NIPSNAP1: variants seen among roughly 807,000 people sequenced by gnomAD.
NIPSNAP1 encodes protein NipSnap homolog 1.
Under a neutral mutation model 49.2 loss-of-function variants are expected in NIPSNAP1, and 25 were observed. The ratio of observed to expected loss-of-function variants is 0.51; its 90% CI spans 0.37 to 0.71. The LOEUF (loss-of-function observed/expected upper bound fraction) is 0.71. NIPSNAP1 is among the 30% of genes least tolerant of loss of function. The pLI is 0.00. For synonymous variants in NIPSNAP1, 143 were observed against 140.7 expected, an observed-to-expected ratio of 1.02 and a Z score of -0.12; for missense variants, 294 against 361.0, an observed-to-expected ratio of 0.81 and a Z score of 1.50.
At chr22:29,580,254 G>A (rs1219928390) in intron 1 of NIPSNAP1, 2 of 1,287,082 alleles carry the variant, frequency 1.6e-6, no homozygotes, top group African/African-American at 1.5e-5. Context: ...GATGGGGGAA[G>A]TACAGGGCTG....
chr22:29,574,289 A>AAAAAAAAAAAAAAAAGAAAGAAAAAG (rs2064434492), intron 1 of NIPSNAP1, among the ~76,000 whole-genome samples: 7 of 125,300 alleles, frequency 5.6e-5, no homozygotes, highest in African/African-American at 2.3e-4. Flanking sequence ...AAAAAAAAAA[A>AAAAAAAAAAAAAAAAGAAAGAAAAAG]AAAGAAAGAA....
chr22:29,578,599 G>C (rs552975488), intron 1 of NIPSNAP1, among the ~76,000 whole-genome samples: 2 of 151,480 alleles, frequency 1.3e-5, no homozygotes, highest in East Asian at 1.9e-4. Flanking sequence ...GGGGCAGCCT[G>C]AGGGGCAGCA....
At chr22:29,565,476 G>A (rs1448049346) in intron 4 of NIPSNAP1, among the ~76,000 whole-genome samples, 4 of 152,018 alleles carry the variant, frequency 2.6e-5, no homozygotes, top group Admixed American at 1.3e-4. Flanking sequence ...TCACGCCACT[G>A]CACTCCAGCC....
chr22:29,580,154 G>A (rs1473270036), intron 1 of NIPSNAP1: 2 of 1,304,174 alleles, frequency 1.5e-6, no homozygotes, highest in Admixed American at 2.3e-5. Context: ...GAGGGTGGGA[G>A]GCTGGGGAAA....
At chr22:29,559,424 C>T (rs1415580441) in intron 8 of NIPSNAP1, among the ~76,000 whole-genome samples, 2 of 152,032 alleles carry the variant, frequency 1.3e-5, no homozygotes, top group African/African-American at 4.8e-5. Flanking sequence ...GTAATCCCAG[C>T]TACTCAGGAG....
chr22:29,556,044 C>T lies in NIPSNAP1; in HGVS notation c.791-45G>A, dbSNP rs763957956. The stretch of plus-strand genomic sequence containing the variant: ...AGGTCACACAGGGGGCTCAAGCAAG[C>T]CAACAACCTCCCCTGGCCCCACCCA... On this transcript the variant is annotated intron_variant, in intron 9 of 9. Transcript: ENST00000216121. 2.1e-5 allele frequency: 32 copies of T among 1,515,506 alleles called. No homozygotes were observed. The African/African-American group carries it at 3.9e-4, about 18-fold the overall frequency. The allele number at this position is 1,515,506 out of a possible 1,614,324, so 93.9% of individuals were successfully genotyped here. A position where few individuals can be genotyped will look rare whatever the true frequency, so the allele number is the denominator to read the frequency against.
In NIPSNAP1 at chr22:29,578,550, G is replaced by A. The variant is rs115370291; in HGVS notation, c.98+2435C>T. On this transcript the variant is annotated intron_variant, in intron 1 of 9. Transcript: ENST00000216121. Reference sequence around the variant, plus strand: ...TGCCCCCAAACCTCACAGGCCAGAAGGGCTGCTGCTGGCCCTACTAGTGAC... The same window carrying A: ...TGCCCCCAAACCTCACAGGCCAGAAAGGCTGCTGCTGGCCCTACTAGTGAC... 8.9e-3 allele frequency among the ~76,000 whole-genome samples: 1,345 copies of A among 151,390 alleles called. 81 individuals are homozygous for A. Among genetic ancestry groups the A allele is most frequent in the African/African-American group, 0.032 (1,296 of 40,698 alleles).
chr22:29,573,933 G>A lies in NIPSNAP1; in HGVS notation c.99-3401C>T, dbSNP rs997385628. ...CAGCCTGGGCAACAGAGCAGACCCT[G>A]TCTCAAAAAACAAAACAAAACAAAA... is the stretch of plus-strand genomic sequence containing the variant. On this transcript the variant is annotated intron_variant, in intron 1 of 9. Transcript: ENST00000216121. 1.5e-4 allele frequency among the ~76,000 whole-genome samples: 21 copies of A among 141,808 alleles called. 1 individual carries two copies. The highest frequency in any genetic ancestry group is 1.1e-4 in the Non-Finnish European group (7 of 64,320). The allele number at this position is 141,808 out of a possible 152,430, so 93.0% of individuals were successfully genotyped here.
chr22:29,574,779 C>CAAAA (rs56971788), intron 1 of NIPSNAP1, among the ~76,000 whole-genome samples: 11 of 102,692 alleles, frequency 1.1e-4, no homozygotes, highest in Admixed American at 7.6e-4. Context: ...AACTCTGTCT[C>CAAAA]AAAAAAAAAA....
At chr22:29,557,355 A>G (rs897985941) in intron 9 of NIPSNAP1, among the ~76,000 whole-genome samples, 5 of 152,232 alleles carry the variant, frequency 3.3e-5, no homozygotes, top group East Asian at 1.9e-4. Context: ...CCTGGCCTCA[A>G]TTGATCCACA....
Position 29,555,811 on chromosome 22 carries a change from C to A in NIPSNAP1, c.*124G>T. ...AGCCTTCAGTTCCCCCTTGTCTGAA[C>A]TGAGCACTGCCCCTCAGAGTCCTCC... On this transcript the variant is annotated 3_prime_UTR_variant, in exon 10 of 10. Transcript: ENST00000216121. 1 of 846,708 alleles carries A rather than the reference C, an allele frequency of 1.2e-6. No homozygotes were observed. The highest frequency in any genetic ancestry group is 1.4e-5 in the South Asian group (1 of 69,348). 52.4% of individuals were successfully genotyped at this position (846,708 alleles called of 1,614,324 possible). A position where few individuals can be genotyped will look rare whatever the true frequency, so the allele number is the denominator to read the frequency against.
At chr22:29,560,241 C>CTTT (rs35947318) in intron 8 of NIPSNAP1, among the ~76,000 whole-genome samples, 2 of 145,290 alleles carry the variant, frequency 1.4e-5, no homozygotes, top group African/African-American at 2.5e-5. Context: ...CTCTCCCTGC[C>CTTT]TTTTTTTTTT....
At position 29,570,163 on chromosome 22, in the gene NIPSNAP1, T is replaced by C. The variant is rs750655840; in HGVS notation, c.271A>G (p.Thr91Ala). 1 of 1,613,778 alleles carries C rather than the reference T, an allele frequency of 6.2e-7. No individual in the cohort carries two copies. Among genetic ancestry groups the C allele is most frequent in the South Asian group, 1.1e-5 (1 of 91,078 alleles). The change falls in exon 3 of 10, where the codon ACG (threonine) becomes GCG (alanine). Residue 91 changes from threonine (T) to alanine (A), a missense_variant and splice_region_variant. This residue lies in a region of NIPSNAP1 where 55 missense variants were observed against 46.2 expected (regional missense o/e 1.19). Coordinates refer to ENST00000216121, the MANE Select transcript of NIPSNAP1 (RefSeq NM_003634.4). ...GATGTATGGATGCAGGGTGCTCACG[T>C]GAGGCTGTTGTAGGCATCCAGGTAT... Reference protein sequence around the residue: ...PEYLDAYNSLTEAVLPKLHLD... With the variant: ...PEYLDAYNSLAEAVLPKLHLD...
Position 29,555,660 on chromosome 22 carries a change from A to T in NIPSNAP1, c.*275T>A. ...CTTGAGATGAGGAATTTTAGAAGAT[A>T]AATGAAGGCCTAAAAGATCACTATC... On this transcript the variant is annotated 3_prime_UTR_variant, in exon 10 of 10. Coordinates refer to ENST00000216121, the MANE Select transcript of NIPSNAP1 (RefSeq NM_003634.4). 1 of 456,206 alleles carries T rather than the reference A, an allele frequency of 2.2e-6. No individual in the cohort carries two copies. The highest frequency in any genetic ancestry group is 2.2e-5 in the South Asian group (1 of 45,568). The allele number at this position is 456,206 out of a possible 1,614,324, so 28.3% of individuals were successfully genotyped here. A position where few individuals can be genotyped will look rare whatever the true frequency, so the allele number is the denominator to read the frequency against.
At chr22:29,568,358 C>T (rs1163733468) in intron 4 of NIPSNAP1, among the ~76,000 whole-genome samples, 1 of 151,198 alleles carries the variant, frequency 6.6e-6, no homozygotes, top group African/African-American at 2.4e-5. Context: ...TGGCACAGGC[C>T]AGTAATCCCA....
intron 1 of NIPSNAP1, among the ~76,000 whole-genome samples, chr22:29,573,583 A>T (rs2064426929): frequency 6.6e-6 from 1 of 152,030 alleles, no homozygotes; most frequent in South Asian, 2.1e-4. Context: ...AGCCTGACCA[A>T]CATGGAGAAA....
rs779786095 is a variant in NIPSNAP1 at position 29,560,838 on chromosome 22, G to A, written c.612-10C>T. 1 of 1,613,194 alleles carries A rather than the reference G, an allele frequency of 6.2e-7. No individual in the cohort carries two copies. The highest frequency in any genetic ancestry group is 1.1e-5 in the South Asian group (1 of 91,062). ...CTTGATGGCCCGAGCCCTGGAGAAGGCACAATAATATGGGGCAGAAGCCAG... is the reference window on the plus strand; with the variant it reads ...CTTGATGGCCCGAGCCCTGGAGAAGACACAATAATATGGGGCAGAAGCCAG... On this transcript the variant is annotated splice_polypyrimidine_tract_variant and intron_variant, in intron 7 of 9. Coordinates refer to ENST00000216121, the MANE Select transcript of NIPSNAP1 (RefSeq NM_003634.4).
intron 4 of NIPSNAP1, among the ~76,000 whole-genome samples, chr22:29,568,242 T>C (rs1386272312): frequency 1.4e-5 from 2 of 142,316 alleles, no homozygotes; most frequent in Non-Finnish European, 3.0e-5. Flanking sequence ...CCCAGCACTT[T>C]GGGAGGCCGA....
At chr22:29,579,541 C>T (rs531070797) in intron 1 of NIPSNAP1, among the ~76,000 whole-genome samples, 2 of 151,564 alleles carry the variant, frequency 1.3e-5, no homozygotes, top group East Asian at 1.9e-4. Context: ...CGTGATCCAC[C>T]GCCTCGGCCT....
Sources: gnomAD v4.1 joint callset for allele counts (sites outside exome capture counted in the v4.1 genomes callset) on GRCh38, gnomAD v4.1.1 for gene constraint, gnomAD v4.1.1 regional missense constraint, MANE v1.5 for transcripts, NCBI Gene and HGNC (gene_info 2026-07-23, HGNC 2026-07-21) for gene names.